The following ETNPPL variants were observed in gnomAD, a reference collection of about 807,000 sequenced individuals.
The protein encoded by ETNPPL is ethanolamine-phosphate phospho-lyase.
Under a neutral mutation model 55.5 loss-of-function variants are expected in ETNPPL, and 30 were observed. That is an observed-to-expected ratio of 0.54 (90% confidence interval 0.40 to 0.73). The LOEUF (loss-of-function observed/expected upper bound fraction) is 0.73. Among genes scored for constraint, ETNPPL ranks in the 30% least tolerant of loss-of-function variants. ETNPPL has a pLI of 0.00. For synonymous variants in ETNPPL, 202 were observed against 207.2 expected, an observed-to-expected ratio of 0.98 and a Z score of 0.21; for missense variants, 528 against 607.9, an observed-to-expected ratio of 0.87 and a Z score of 1.38.
At chr4:108,754,933 A>C in intron 4 of ETNPPL, 1 of 479,914 alleles carries the variant, frequency 2.1e-6, no homozygotes, top group Non-Finnish European at 3.6e-6. Flanking sequence ...TAGAAAGCCA[A>C]GCATGTGTCC....
intron 5 of ETNPPL, among the ~76,000 whole-genome samples, chr4:108,753,675 G>A (rs1729020323): frequency 6.6e-6 from 1 of 151,512 alleles, no homozygotes; most frequent in Non-Finnish European, 1.5e-5. Context: ...GCTGTAAGCG[G>A]AGGTTTCAGT....
Position 108,746,840 on chromosome 4 carries a change from A to C in ETNPPL, c.1094T>G (p.Leu365Arg). The C allele has an allele frequency of 6.2e-7, 1 of 1,613,420 alleles. No individual in the cohort carries two copies. The highest frequency in any genetic ancestry group is 8.5e-7 in the Non-Finnish European group (1 of 1,179,514). Residue 365 changes from leucine (L) to arginine (R), a missense_variant, in exon 10 of 13, where the codon CTT becomes CGT. Transcript: ENST00000296486. ...TLIGDIRGIG[L>R]FIGIDLVKDH... The stretch of plus-strand genomic sequence containing the variant: ...CTTCACTAAATCAATTCCAATAAAA[A>C]GGCCAATGCCCCTGCGAGAGGTGAA...
intron 7 of ETNPPL, among the ~76,000 whole-genome samples, chr4:108,750,105 G>A (rs944965720): frequency 2.0e-5 from 3 of 152,144 alleles, no homozygotes; most frequent in African/African-American, 7.2e-5. Flanking sequence ...AATTGGGAAG[G>A]CTTGTGTAAT....
chr4:108,754,779 A>C (rs1729119155), intron 4 of ETNPPL, 69 bp from the exon 5 acceptor site: 1 of 958,206 alleles, frequency 1.0e-6, no homozygotes, highest in Non-Finnish European at 1.7e-6. Context: ...AGTATATGAA[A>C]ACCAGTGTTG....
intron 1 of ETNPPL, chr4:108,762,353 A>G (rs57603342): frequency 0.16 from 72,788 of 464,540 alleles, 7,282 homozygotes; most frequent in African/African-American, 0.36. Context: ...ACCCTTCATC[A>G]CTTAACCAAG....
At chr4:108,751,646 A>G (rs1412564182) in intron 6 of ETNPPL, among the ~76,000 whole-genome samples, 3 of 152,238 alleles carry the variant, frequency 2.0e-5, no homozygotes, top group Admixed American at 2.0e-4. Flanking sequence ...GAGATAAGAA[A>G]TCAAGAGAAC....
In ETNPPL at chr4:108,751,009, A is replaced by G; in HGVS notation, c.628T>C (p.Phe210Leu). ...CAACTCTGCATGGATTCAGCAATAA[A>G]GGCAGCAATCTATACAAGAGAAGAT... ...AHNSGRKIAA[F>L]IAESMQSCGG... Residue 210 changes from phenylalanine (F) to leucine (L), a missense_variant, in exon 7 of 13, where the codon TTT becomes CTT. Coordinates refer to ENST00000296486, the MANE Select transcript of ETNPPL (RefSeq NM_031279.4). 6.2e-7 allele frequency: 1 copy of G among 1,612,694 alleles called. No homozygotes were observed. Among genetic ancestry groups the G allele is most frequent in the Non-Finnish European group, 8.5e-7 (1 of 1,178,910 alleles).
At chr4:108,756,397 A>C in intron 4 of ETNPPL, 21 bp downstream of exon 4, 1 of 1,594,100 alleles carries the variant, frequency 6.3e-7, no homozygotes, top group Non-Finnish European at 8.6e-7. Flanking sequence ...CTTGCTTAAA[A>C]ATCTTGTGTC....
At position 108,746,390 on chromosome 4, in the gene ETNPPL, T is replaced by G. The variant is rs192391551; in HGVS notation, c.1303+9A>C. 64 of 1,610,818 alleles carry G rather than the reference T, an allele frequency of 4.0e-5. No homozygotes were observed. In the Middle Eastern group the frequency reaches 6.6e-4, roughly 17 times the overall value. ...AACAAGAAGACATCTTAAAGATCCA[T>G]GGACCCACCTGTTAGAATCCTATCA... is the stretch of plus-strand genomic sequence containing the variant. On this transcript the variant is annotated intron_variant, in intron 11 of 12. Transcript: ENST00000296486.
rs1222657743 is a variant in ETNPPL at position 108,759,773 on chromosome 4, G to A, written c.311C>T (p.Ser104Phe). ...RLSATLPEKLSVCYFTNSGSE... is the reference protein window; with the variant it reads ...RLSATLPEKLFVCYFTNSGSE... ...CCCTGAATTTGTAAAATAACAAACA[G>A]AGAGTTTCTCCGGCAGAGTTGCTGA... is the stretch of plus-strand genomic sequence containing the variant. Residue 104 changes from serine (S) to phenylalanine (F), a missense_variant, in exon 3 of 13, where the codon TCT (serine) becomes TTT (phenylalanine). Physicochemically the swap from Ser to Phe is radical, Grantham distance 155. Coordinates refer to ENST00000296486, the MANE Select transcript of ETNPPL (RefSeq NM_031279.4). 1.9e-6 allele frequency: 3 copies of A among 1,614,178 alleles called. No individual in the cohort carries two copies. Among genetic ancestry groups the A allele is most frequent in the East Asian group, 2.2e-5 (1 of 44,880 alleles).
intron 11 of ETNPPL, among the ~76,000 whole-genome samples, chr4:108,745,914 G>T: frequency 7.4e-6 from 1 of 134,318 alleles, no homozygotes; most frequent in South Asian, 2.5e-4. Context: ...CTGGATGACA[G>T]AGTGAGACTC....
intron 1 of ETNPPL, 70 bp from the exon 2 acceptor site, chr4:108,760,376 G>T (rs1578397425): frequency 1.3e-5 from 10 of 761,702 alleles, no homozygotes; most frequent in East Asian, 5.0e-5. Flanking sequence ...CTCAATGAAG[G>T]TCCCCATCAG....
At position 108,748,171 on chromosome 4, in the gene ETNPPL, A is replaced by T; in HGVS notation, c.928-12T>A. ...GGATTTCCTCCATACTGTAAAAAAAAAAAAGACAAATGAGAAAATATACCA... is the reference window on the plus strand; with the variant it reads ...GGATTTCCTCCATACTGTAAAAAAATAAAAGACAAATGAGAAAATATACCA... On this transcript the variant is annotated splice_polypyrimidine_tract_variant and intron_variant, in intron 8 of 12. Transcript: ENST00000296486. 1 of 1,551,264 alleles carries T rather than the reference A, an allele frequency of 6.4e-7. No homozygotes were observed. The highest frequency in any genetic ancestry group is 8.6e-7 in the Non-Finnish European group (1 of 1,158,832).
At chr4:108,751,059 CT>C (rs748508310) in intron 6 of ETNPPL, 41 bp from the exon 7 acceptor site, 2 of 1,378,068 alleles carry the variant, frequency 1.5e-6, no homozygotes, top group African/African-American at 1.4e-5. Flanking sequence ...TTAGGTCCCC[CT>C]ACAACCCCCC....
At chr4:108,743,454 G>T (rs2125668850) in intron 12 of ETNPPL, among the ~76,000 whole-genome samples, 1 of 152,336 alleles carries the variant, frequency 6.6e-6, no homozygotes, top group East Asian at 1.9e-4. Flanking sequence ...ATCGGAGGCA[G>T]TGTCAGGCAG....
At chr4:108,758,820 GCGGGTGGATCAC>G (rs1300541914) in intron 3 of ETNPPL, among the ~76,000 whole-genome samples, 1 of 152,208 alleles carries the variant, frequency 6.6e-6, no homozygotes, top group Non-Finnish European at 1.5e-5. Context: ...GGAGGCCGAG[GCGGGTGGATCAC>G]CTGAGGTCGG....
At chr4:108,745,411 A>G (rs1003279998) in intron 11 of ETNPPL, among the ~76,000 whole-genome samples, 2 of 152,020 alleles carry the variant, frequency 1.3e-5, no homozygotes, top group African/African-American at 4.8e-5. Flanking sequence ...CCTGGCCCAC[A>G]TGGTGAAACC....
intron 7 of ETNPPL, among the ~76,000 whole-genome samples, chr4:108,750,711 A>AGCAGAGTTCT (rs1397808268): frequency 6.7e-6 from 1 of 150,226 alleles, no homozygotes; most frequent in African/African-American, 2.5e-5. Context: ...TGGAGGCTGG[A>AGCAGAGTTCT]GCAGAGTTCT....
chr4:108,753,082 C>A, intron 5 of ETNPPL, 71 bp from the exon 6 acceptor site: 1 of 798,096 alleles, frequency 1.3e-6, no homozygotes. Flanking sequence ...AGGCATTTCC[C>A]CACAAGAACA....
Sources: gnomAD v4.1 joint callset for allele counts (sites outside exome capture counted in the v4.1 genomes callset) on GRCh38, gnomAD v4.1.1 for gene constraint, MANE v1.5 for transcripts, NCBI Gene and HGNC (gene_info 2026-07-23, HGNC 2026-07-21) for gene names.